Variants in CARMIL1 observed in about 807,000 individuals in gnomAD.
CARMIL1 encodes F-actin-uncapping protein LRRC16A.
Under a neutral mutation model 177.1 loss-of-function variants are expected in CARMIL1, and 90 were observed. The ratio of observed to expected loss-of-function variants is 0.51; its 90% CI spans 0.43 to 0.61. CARMIL1 has a LOEUF of 0.61. Among genes scored for constraint, CARMIL1 ranks in the 20% least tolerant of loss-of-function variants. The probability of loss-of-function intolerance (pLI) is 0.00; values close to 1 mark genes in which losing one functional copy is unlikely to be tolerated. For synonymous variants in CARMIL1, 577 were observed against 606.2 expected (o/e 0.95, Z 0.71); for missense variants, 1,380 against 1,667.0 (o/e 0.83, Z 3.00).
intron 8 of CARMIL1, chr6:25,452,005 A>AG (rs772447013): frequency 0.042 from 670 of 16,108 alleles, 10 homozygotes; most frequent in Middle Eastern, 0.14. Context: ...TCCCCCCCCC[A>AG]GAATACTGTT....
At chr6:25,566,744 A>G (rs1044413944) in intron 29 of CARMIL1, among the ~76,000 whole-genome samples, 8 of 152,216 alleles carry the variant, frequency 5.3e-5, no homozygotes, top group African/African-American at 1.9e-4. Flanking sequence ...GCTTTGAATT[A>G]TAATTACTTG....
At chr6:25,390,802 T>C (rs1792736812) in intron 2 of CARMIL1, among the ~76,000 whole-genome samples, 1 of 152,232 alleles carries the variant, frequency 6.6e-6, no homozygotes, top group Non-Finnish European at 1.5e-5. Flanking sequence ...GTGATTCTCC[T>C]GCCTCAGCCT....
chr6:25,407,680 G>A (rs1272669302), intron 2 of CARMIL1, among the ~76,000 whole-genome samples: 2 of 152,170 alleles, frequency 1.3e-5, no homozygotes, highest in Non-Finnish European at 2.9e-5. Context: ...GTTTTACTCT[G>A]TGGGAGTAAT....
chr6:25,327,107 G>A (rs1322814835), intron 2 of CARMIL1, among the ~76,000 whole-genome samples: 11 of 152,160 alleles, frequency 7.2e-5, no homozygotes, highest in Non-Finnish European at 1.5e-4. Context: ...AAAGGAATTT[G>A]GGACTTGCCA....
At chr6:25,520,462 A>G (rs970357119) in intron 23 of CARMIL1, 125 bp downstream of exon 23, 1 of 616,290 alleles carries the variant, frequency 1.6e-6, no homozygotes, top group Middle Eastern at 4.3e-4. Flanking sequence ...ATTTTTTCAC[A>G]TTGTCTTATG....
In CARMIL1 at chr6:25,285,325, A is replaced by T. The variant is rs139595611; in HGVS notation, c.138+416A>T. ...TAATTACTTAATTAGATTTTCTCAG[A>T]TGTTATATATGAGTCCATCTAAGGG... On this transcript the variant is annotated intron_variant, in intron 2 of 36. Coordinates refer to ENST00000329474, the MANE Select transcript of CARMIL1 (RefSeq NM_017640.6). 8.6e-3 allele frequency among the ~76,000 whole-genome samples: 1,307 copies of T among 152,274 alleles called. 15 individuals are homozygous for T. Among genetic ancestry groups the T allele is most frequent in the African/African-American group, 0.023 (957 of 41,552 alleles).
At chr6:25,391,824 G>A (rs1006616446) in intron 2 of CARMIL1, among the ~76,000 whole-genome samples, 6 of 152,174 alleles carry the variant, frequency 3.9e-5, no homozygotes, top group African/African-American at 1.4e-4. Flanking sequence ...TGCAAACCAA[G>A]TGTTTGGACT....
intron 2 of CARMIL1, among the ~76,000 whole-genome samples, chr6:25,351,104 G>A (rs1229517123): frequency 6.6e-6 from 1 of 152,034 alleles, no homozygotes; most frequent in Non-Finnish European, 1.5e-5. Flanking sequence ...GATCTTTGTG[G>A]CCCTCTATGG....
At chr6:25,568,716 C>G (rs910803037) in intron 29 of CARMIL1, among the ~76,000 whole-genome samples, 1 of 152,134 alleles carries the variant, frequency 6.6e-6, no homozygotes, top group African/African-American at 2.4e-5. Context: ...TCAGAGCATT[C>G]TTTATCATGG....
intron 2 of CARMIL1, among the ~76,000 whole-genome samples, chr6:25,357,197 A>G (rs946669421): frequency 6.6e-6 from 1 of 151,896 alleles, no homozygotes; most frequent in Non-Finnish European, 1.5e-5. Context: ...GGAATTTCCT[A>G]CCACTTAGAT....
At chr6:25,487,623 T>C (rs1228959264) in intron 12 of CARMIL1, among the ~76,000 whole-genome samples, 1 of 152,192 alleles carries the variant, frequency 6.6e-6, no homozygotes, top group Non-Finnish European at 1.5e-5. Context: ...AGTGCTGTGA[T>C]GAGTGATTGA....
intron 2 of CARMIL1, among the ~76,000 whole-genome samples, chr6:25,378,221 G>A (rs1445701667): frequency 2.6e-5 from 4 of 152,296 alleles, no homozygotes; most frequent in Admixed American, 2.0e-4. Flanking sequence ...ACTTGGCAAG[G>A]CAAATCTCAT....
At chr6:25,344,780 T>G (rs1787320007) in intron 2 of CARMIL1, among the ~76,000 whole-genome samples, 1 of 151,994 alleles carries the variant, frequency 6.6e-6, no homozygotes, top group Non-Finnish European at 1.5e-5. Flanking sequence ...TGCTCCCACC[T>G]CCTTGGGCAT....
chr6:25,279,625 T>TTTTG lies in CARMIL1; in HGVS notation c.-171_-170insTTTG. 1.7e-6 allele frequency: 1 copy of TTTTG among 579,152 alleles called. No individual in the cohort carries two copies. Among genetic ancestry groups the TTTTG allele is most frequent in the African/African-American group, 2.0e-5 (1 of 50,886 alleles). 35.9% of individuals were successfully genotyped at this position (579,152 alleles called of 1,614,324 possible). On this transcript the variant is annotated 5_prime_UTR_variant, in exon 1 of 37. Coordinates refer to ENST00000329474, the MANE Select transcript of CARMIL1 (RefSeq NM_017640.6). ...CATTTGCAACTCTTTTTTTTTTTTT[T>TTTTG]GGTGGGGCGGGGGGCGCGCGGCAAA...
chr6:25,436,312 A>G (rs1332455208), intron 5 of CARMIL1, among the ~76,000 whole-genome samples: 1 of 152,194 alleles, frequency 6.6e-6, no homozygotes, highest in Non-Finnish European at 1.5e-5. Context: ...CCCTCCTGAT[A>G]GAAGAACAGG....
intron 2 of CARMIL1, among the ~76,000 whole-genome samples, chr6:25,298,587 A>G (rs2150165259): frequency 6.6e-6 from 1 of 151,950 alleles, no homozygotes; most frequent in Non-Finnish European, 1.5e-5. Flanking sequence ...ATTTAGATAT[A>G]TGCTCAAGTC....
intron 11 of CARMIL1, among the ~76,000 whole-genome samples, chr6:25,474,709 C>A (rs1801383107): frequency 6.6e-6 from 1 of 152,212 alleles, no homozygotes; most frequent in Non-Finnish European, 1.5e-5. Flanking sequence ...TTAGGAAAAA[C>A]AAATGTTTCT....
intron 31 of CARMIL1, among the ~76,000 whole-genome samples, chr6:25,583,150 GAACA>G (rs1813284973): frequency 6.6e-6 from 1 of 152,204 alleles, no homozygotes; most frequent in South Asian, 2.1e-4. Flanking sequence ...GAAAGAATCT[GAACA>G]AAGAGGCCTT....
chr6:25,545,943 G>A (rs1334694441), intron 26 of CARMIL1, among the ~76,000 whole-genome samples: 1 of 152,188 alleles, frequency 6.6e-6, no homozygotes, highest in Non-Finnish European at 1.5e-5. Context: ...AATATTGGAA[G>A]TGAGGAGAGC....
Sources: allele counts gnomAD v4.1 joint callset (sites outside exome capture counted in the v4.1 genomes callset), GRCh38; gene constraint gnomAD v4.1.1; transcripts MANE v1.5; gene names NCBI Gene and HGNC (gene_info 2026-07-23, HGNC 2026-07-21).